Variants in DENND1A observed in about 807,000 individuals in gnomAD.
The protein encoded by DENND1A is DENN domain containing 1A.
Under a neutral mutation model 113.7 loss-of-function variants are expected in DENND1A, and 51 were observed. The ratio of observed to expected loss-of-function variants is 0.45; its 90% CI spans 0.36 to 0.57. DENND1A has a LOEUF of 0.57. Among genes scored for constraint, DENND1A ranks in the 20% least tolerant of loss-of-function variants. The probability of loss-of-function intolerance (pLI) is 0.00; values close to 1 mark genes in which losing one functional copy is unlikely to be tolerated. For missense variants in DENND1A, 1,258 were observed against 1,395.9 expected, an observed-to-expected ratio of 0.90 and a Z score of 1.57; for synonymous variants, 565 against 570.8, an observed-to-expected ratio of 0.99 and a Z score of 0.14.
At chr9:123,766,442 T>C (rs553410232) in intron 4 of DENND1A, among the ~76,000 whole-genome samples, 94 of 152,300 alleles carry the variant, frequency 6.2e-4, no homozygotes, top group African/African-American at 2.2e-3. Flanking sequence ...GTAAAAAAGA[T>C]ACCACCATCT....
chr9:123,679,512 T>C (rs1185783548), intron 5 of DENND1A, among the ~76,000 whole-genome samples: 2 of 152,246 alleles, frequency 1.3e-5, no homozygotes, highest in South Asian at 2.1e-4. Context: ...CTTTCTCCCT[T>C]TGGCCTGACC....
At chr9:123,614,295 G>A (rs1041425768) in intron 10 of DENND1A, among the ~76,000 whole-genome samples, 16 of 152,168 alleles carry the variant, frequency 1.1e-4, no homozygotes, top group African/African-American at 3.6e-4. Flanking sequence ...GGAAAAGAGC[G>A]CTGGGGTACC....
intron 2 of DENND1A, among the ~76,000 whole-genome samples, chr9:123,877,683 A>C (rs1361801473): frequency 1.3e-5 from 2 of 148,384 alleles, no homozygotes; most frequent in African/African-American, 2.5e-5. Context: ...GTTAGCTGGG[A>C]GTGGTGGCGG....
intron 13 of DENND1A, among the ~76,000 whole-genome samples, chr9:123,545,162 G>T (rs1374381397): frequency 6.6e-6 from 1 of 151,946 alleles, no homozygotes; most frequent in Non-Finnish European, 1.5e-5. Flanking sequence ...CACCTTCTAT[G>T]TATCAGGTTC....
intron 3 of DENND1A, among the ~76,000 whole-genome samples, chr9:123,773,444 T>G (rs1564242438): frequency 6.6e-6 from 1 of 152,162 alleles, no homozygotes; most frequent in Non-Finnish European, 1.5e-5. Flanking sequence ...TAGATTACAT[T>G]CTGTTGATAC....
chr9:123,469,477 C>T (rs1015434085), intron 13 of DENND1A, among the ~76,000 whole-genome samples: 2 of 152,356 alleles, frequency 1.3e-5, no homozygotes, highest in South Asian at 2.1e-4. Flanking sequence ...TGTCGGCCCA[C>T]GCCTCGGCTC....
chr9:123,740,896 AAGTGAGAGAG>A (rs2068950866), intron 5 of DENND1A, among the ~76,000 whole-genome samples: 1 of 33,962 alleles, frequency 2.9e-5, no homozygotes, highest in Non-Finnish European at 6.4e-5. Flanking sequence ...GAGGAAGGGA[AAGTGAGAGAG>A]AGAGAGAGAG....
At chr9:123,385,130 T>C (rs1028838454) in intron 22 of DENND1A, among the ~76,000 whole-genome samples, 2 of 152,170 alleles carry the variant, frequency 1.3e-5, no homozygotes, top group Admixed American at 6.5e-5. Flanking sequence ...CCCTTACCTC[T>C]AGTGGAGCCC....
intron 2 of DENND1A, among the ~76,000 whole-genome samples, chr9:123,825,002 T>C (rs1371541156): frequency 6.6e-6 from 1 of 152,080 alleles, no homozygotes; most frequent in African/African-American, 2.4e-5. Flanking sequence ...TTGGCTCCAT[T>C]TACCCAATAA....
chr9:123,856,899 C>G (rs746830441), intron 2 of DENND1A, among the ~76,000 whole-genome samples: 21 of 151,984 alleles, frequency 1.4e-4, no homozygotes, highest in Admixed American at 4.6e-4. Flanking sequence ...CCAGGCTTCT[C>G]ACAGTTGAAG....
intron 2 of DENND1A, among the ~76,000 whole-genome samples, chr9:123,836,120 AC>A (rs1841014489): frequency 6.6e-6 from 1 of 152,128 alleles, no homozygotes; most frequent in South Asian, 2.1e-4. Flanking sequence ...TCTTTCCTGA[AC>A]CAGAAATTTT....
chr9:123,414,703 G>A, intron 19 of DENND1A: 1 of 1,371,898 alleles, frequency 7.3e-7, no homozygotes. Flanking sequence ...TTTGAACATA[G>A]ACTTGCTTTC....
chr9:123,647,332 A>T (rs908284570), intron 9 of DENND1A, among the ~76,000 whole-genome samples: 1 of 152,242 alleles, frequency 6.6e-6, no homozygotes, highest in South Asian at 2.1e-4. Flanking sequence ...CTTTGTTGGC[A>T]CACAATCATA....
chr9:123,412,402 G>T (rs1482229278), intron 19 of DENND1A, among the ~76,000 whole-genome samples: 1 of 152,196 alleles, frequency 6.6e-6, no homozygotes, highest in Non-Finnish European at 1.5e-5. Context: ...CGGCTCGGAT[G>T]CTGCCTCGTG....
At chr9:123,900,833 A>C (rs1029766410) in intron 1 of DENND1A, among the ~76,000 whole-genome samples, 1 of 152,230 alleles carries the variant, frequency 6.6e-6, no homozygotes, top group African/African-American at 2.4e-5. Flanking sequence ...ACCTTGTGCA[A>C]CTGGAAACCT....
At chr9:123,387,424 A>G (rs1238488488) in intron 22 of DENND1A, among the ~76,000 whole-genome samples, 3 of 152,196 alleles carry the variant, frequency 2.0e-5, no homozygotes, top group African/African-American at 7.2e-5. Context: ...CAACCAGGCT[A>G]ATTGTAGTCA....
At chr9:123,806,216 A>T (rs2132334146) in intron 2 of DENND1A, among the ~76,000 whole-genome samples, 1 of 151,630 alleles carries the variant, frequency 6.6e-6, no homozygotes, top group East Asian at 2.0e-4. Context: ...AGCCTCCCAA[A>T]GTGCTGGGAT....
chr9:123,489,324 GCA>G, intron 13 of DENND1A, among the ~76,000 whole-genome samples: 1 of 152,216 alleles, frequency 6.6e-6, no homozygotes, highest in South Asian at 2.1e-4. Flanking sequence ...CACAGCAGTG[GCA>G]CACACAGGAA....
intron 2 of DENND1A, among the ~76,000 whole-genome samples, chr9:123,818,208 C>A (rs1282535625): frequency 1.3e-5 from 2 of 151,566 alleles, no homozygotes; most frequent in African/African-American, 4.8e-5. Context: ...AGGTTCACAC[C>A]ATTCTCCTGC....
Sources: gnomAD v4.1 joint callset for allele counts (sites outside exome capture counted in the v4.1 genomes callset) on GRCh38, gnomAD v4.1.1 for gene constraint, MANE v1.5 for transcripts, NCBI Gene and HGNC (gene_info 2026-07-23, HGNC 2026-07-21) for gene names.